STK17A: variants seen among roughly 807,000 people sequenced by gnomAD.
The protein encoded by STK17A is serine/threonine kinase 17a, also known as serine/threonine-protein kinase 17A.
In STK17A, 26 loss-of-function variants were observed where a neutral mutation model predicts 43.7. That is an observed-to-expected ratio of 0.60 (90% CI 0.44 to 0.83). STK17A has a LOEUF of 0.83. Ranked by LOEUF, STK17A falls within the 40% of genes least tolerant of loss-of-function variation. The pLI, the probability that STK17A is intolerant of heterozygous loss-of-function variation, is 0.00. For synonymous variants in STK17A, 191 were observed against 182.5 expected, an observed-to-expected ratio of 1.05 and a Z score of -0.38; for missense variants, 476 against 511.6, an observed-to-expected ratio of 0.93 and a Z score of 0.67.
At chr7:43,617,142 C>T (rs80282573) in intron 3 of STK17A, among the ~76,000 whole-genome samples, 3,429 of 150,640 alleles carry the variant, frequency 0.023, 112 homozygotes, top group African/African-American at 0.079. Flanking sequence ...TTCATGGAGC[C>T]GGGGGATCAT....
chr7:43,591,858 C>G (rs946025703), intron 1 of STK17A, among the ~76,000 whole-genome samples: 2 of 151,536 alleles, frequency 1.3e-5, no homozygotes, highest in Non-Finnish European at 3.0e-5. Context: ...ATTCTGTTTG[C>G]TGAATTAGCT....
chr7:43,604,710 T>A (rs905502704), intron 2 of STK17A, among the ~76,000 whole-genome samples: 3 of 152,178 alleles, frequency 2.0e-5, no homozygotes, highest in African/African-American at 7.2e-5. Flanking sequence ...TAAATTTTTT[T>A]GTTTATAGTT....
chr7:43,583,328 G>T lies in STK17A; in HGVS notation c.85G>T (p.Gly29Trp). The change falls in exon 1 of 7, where the codon GGG becomes TGG. Residue 29 changes from glycine to tryptophan, a missense_variant. Gly to Trp is a radical substitution (Grantham distance 184, BLOSUM62 -2). Transcript: ENST00000319357. Reference protein sequence around the residue: ...GSGRAGRGLSGPCRPPPPPQA... With the variant: ...GSGRAGRGLSWPCRPPPPPQA... Reference sequence around the variant, plus strand: ...GGGCCGGGCAGGCCGGGGTCTGAGCGGGCCGTGCCGGCCGCCGCCGCCGCC... The same window carrying T: ...GGGCCGGGCAGGCCGGGGTCTGAGCTGGCCGTGCCGGCCGCCGCCGCCGCC... The T allele has an allele frequency of 6.9e-7, 1 of 1,450,406 alleles. No homozygotes were observed. Among genetic ancestry groups the T allele is most frequent in the East Asian group, 3.0e-5 (1 of 33,320 alleles). 89.8% of individuals were successfully genotyped at this position (1,450,406 alleles called of 1,614,324 possible).
rs1352233039 is a variant in STK17A at position 43,626,106 on chromosome 7, A to C, written c.*1264A>C. 1 of 152,224 alleles carries C rather than the reference A, an allele frequency of 6.6e-6. No individual in the cohort carries two copies. Among genetic ancestry groups the C allele is most frequent in the Non-Finnish European group, 1.5e-5 (1 of 68,040 alleles). 9.4% of individuals were successfully genotyped at this position (152,224 alleles called of 1,614,324 possible). A position where few individuals can be genotyped will look rare whatever the true frequency, so the allele number is the denominator to read the frequency against. ...TCCTTACACACAAAAGGCTCAGTGC[A>C]TTAAATATTTGCCTATCACCTGTGT... On this transcript the variant is annotated 3_prime_UTR_variant, in exon 7 of 7. Coordinates refer to ENST00000319357, the MANE Select transcript of STK17A (RefSeq NM_004760.3).
chr7:43,606,916 C>CTTT lies in STK17A; in HGVS notation c.420-1318_420-1316dup, dbSNP rs71011933. On this transcript the variant is annotated intron_variant, in intron 2 of 6. Coordinates refer to ENST00000319357, the MANE Select transcript of STK17A (RefSeq NM_004760.3). Reference sequence around the variant, plus strand: ...TCACTCAATCTAGCTTTTCGATTTTCTTTTTTTTTTTTTTTTTTTTTTTTG... The same window carrying CTTT: ...TCACTCAATCTAGCTTTTCGATTTTCTTTTTTTTTTTTTTTTTTTTTTTTTTTG... 6.7e-3 allele frequency among the ~76,000 whole-genome samples: 417 copies of CTTT among 62,550 alleles called. 3 individuals carry two copies. Among genetic ancestry groups the CTTT allele is most frequent in the African/African-American group, 0.017 (201 of 12,136 alleles). The allele number at this position is 62,550 out of a possible 152,430, so 41.0% of individuals were successfully genotyped here.
In STK17A at chr7:43,583,145, A is replaced by G; in HGVS notation, c.-99A>G. The G allele has an allele frequency of 2.3e-6, 3 of 1,327,546 alleles. No homozygotes were observed. The highest frequency in any genetic ancestry group is 3.1e-6 in the Non-Finnish European group (3 of 974,120). The allele number at this position is 1,327,546 out of a possible 1,614,324, so 82.2% of individuals were successfully genotyped here. A position where few individuals can be genotyped will look rare whatever the true frequency, so the allele number is the denominator to read the frequency against. ...CCGCGCTGGGGAGAGCGGGTGTTTG[A>G]AGGCTCCGCGGACCGGCACTAGGAG... is the stretch of plus-strand genomic sequence containing the variant. On this transcript the variant is annotated 5_prime_UTR_variant, in exon 1 of 7. Transcript: ENST00000319357.
chr7:43,609,310 T>C (rs2082668389), intron 3 of STK17A: 1 of 152,284 alleles, frequency 6.6e-6, no homozygotes, highest in Admixed American at 6.5e-5. Flanking sequence ...TCACTCTGAT[T>C]ACACCAGCGT....
chr7:43,622,712 T>G (rs115665767), intron 4 of STK17A: 22,456 of 151,730 alleles, frequency 0.15, 2,188 homozygotes, highest in Non-Finnish European at 0.21. Flanking sequence ...TTTGTTTTTT[T>G]TTTTGTGAGA....
intron 2 of STK17A, among the ~76,000 whole-genome samples, chr7:43,599,007 C>T (rs1484122428): frequency 6.6e-6 from 1 of 152,156 alleles, no homozygotes; most frequent in Non-Finnish European, 1.5e-5. Flanking sequence ...TCAGGTGATC[C>T]ACCTGCCTTG....
chr7:43,617,532 A>G (rs1311883321), intron 3 of STK17A, among the ~76,000 whole-genome samples: 1 of 152,042 alleles, frequency 6.6e-6, no homozygotes, highest in Non-Finnish European at 1.5e-5. Context: ...GTTCTCTCCT[A>G]TTCTGAGGGA....
intron 2 of STK17A, among the ~76,000 whole-genome samples, chr7:43,597,030 AAGACTT>A (rs540248584): frequency 3.5e-4 from 54 of 152,146 alleles, no homozygotes; most frequent in Non-Finnish European, 6.5e-4. Flanking sequence ...AAAAACAAAA[AAGACTT>A]AATACATCAA....
chr7:43,619,474 A>G, intron 3 of STK17A, 123 bp from the exon 4 acceptor site: 5 of 1,234,600 alleles, frequency 4.0e-6, no homozygotes, highest in Non-Finnish European at 5.6e-6. Flanking sequence ...TCTTTAACAA[A>G]TGACTGTTTA....
At chr7:43,595,381 G>A (rs1470227577) in intron 1 of STK17A, among the ~76,000 whole-genome samples, 4 of 149,600 alleles carry the variant, frequency 2.7e-5, no homozygotes, top group East Asian at 2.0e-4. Flanking sequence ...AGGTTCAAGC[G>A]ATTCCCATGC....
intron 3 of STK17A, among the ~76,000 whole-genome samples, chr7:43,614,809 A>G (rs1270981069): frequency 6.6e-6 from 1 of 152,232 alleles, no homozygotes; most frequent in Non-Finnish European, 1.5e-5. Flanking sequence ...AGATTTTAAT[A>G]ATTTGATCAC....
At chr7:43,598,487 A>AT (rs978811725) in intron 2 of STK17A, among the ~76,000 whole-genome samples, 2 of 148,916 alleles carry the variant, frequency 1.3e-5, no homozygotes, top group African/African-American at 4.9e-5. Context: ...AAAAAAAAAA[A>AT]GGAAATAGGT....
At chr7:43,616,667 A>G (rs1040752131) in intron 3 of STK17A, among the ~76,000 whole-genome samples, 1 of 151,968 alleles carries the variant, frequency 6.6e-6, no homozygotes, top group African/African-American at 2.4e-5. Context: ...GGAGGCTGAG[A>G]CGGGCGGATC....
chr7:43,590,567 C>CA (rs1197510618), intron 1 of STK17A, among the ~76,000 whole-genome samples: 2 of 151,424 alleles, frequency 1.3e-5, no homozygotes, highest in Admixed American at 1.3e-4. Flanking sequence ...CCTAAGTTCT[C>CA]AGTTTTGTAC....
At chr7:43,590,204 C>T (rs545532240) in intron 1 of STK17A, among the ~76,000 whole-genome samples, 5 of 151,356 alleles carry the variant, frequency 3.3e-5, no homozygotes, top group East Asian at 1.9e-4. Flanking sequence ...CCTCAGCCTC[C>T]GAAAGTGCTG....
intron 1 of STK17A, among the ~76,000 whole-genome samples, chr7:43,593,965 T>A (rs2082497923): frequency 6.6e-6 from 1 of 152,228 alleles, no homozygotes; most frequent in Admixed American, 6.5e-5. Context: ...TCAAGTTTTT[T>A]AACAATCAAT....
Sources: gnomAD v4.1 joint callset for allele counts (sites outside exome capture counted in the v4.1 genomes callset) on GRCh38, gnomAD v4.1.1 for gene constraint, MANE v1.5 for transcripts, NCBI Gene and HGNC (gene_info 2026-07-23, HGNC 2026-07-21) for gene names.